GRIP2: variants seen among roughly 807,000 people sequenced by gnomAD.
GRIP2 encodes glutamate receptor interacting protein 2.
In GRIP2, 58 loss-of-function variants were observed where a neutral mutation model predicts 108.3. That is an observed-to-expected ratio of 0.54 (90% CI 0.43 to 0.67). The LOEUF is 0.67. Ranked by LOEUF, GRIP2 falls within the 30% of genes least tolerant of loss-of-function variation. The pLI is 0.00. For synonymous variants in GRIP2, 586 were observed against 598.2 expected (o/e 0.98, Z 0.30); for missense variants, 1,278 against 1,430.6 (o/e 0.89, Z 1.72).
At chr3:14,497,702 T>C (rs921476888) in intron 21 of GRIP2, among the ~76,000 whole-genome samples, 1 of 152,148 alleles carries the variant, frequency 6.6e-6, no homozygotes, top group African/African-American at 2.4e-5. Context: ...ACATGAAGAC[T>C]GGGCTGCAGG....
At chr3:14,578,468 G>A in the GRIP2 span, among the ~76,000 whole-genome samples, 2 of 152,202 alleles carry the variant, frequency 1.3e-5, no homozygotes, top group African/African-American at 4.8e-5. Flanking sequence ...TGTAATCCTA[G>A]CATGTTGGGA....
At chr3:14,589,478 A>AT in the GRIP2 span, among the ~76,000 whole-genome samples, 14 of 152,066 alleles carry the variant, frequency 9.2e-5, no homozygotes, top group African/African-American at 2.9e-4. Context: ...GTGTTTTGAG[A>AT]TTTTTTTTAC....
At chr3:14,593,403 C>T in the GRIP2 span, among the ~76,000 whole-genome samples, 15 of 152,322 alleles carry the variant, frequency 9.8e-5, no homozygotes, top group East Asian at 2.3e-3. Context: ...CTCCCGCTTC[C>T]GGCAACGCAA....
chr3:14,528,488 C>T (rs553719714), intron 1 of GRIP2, among the ~76,000 whole-genome samples: 3 of 152,282 alleles, frequency 2.0e-5, no homozygotes, highest in South Asian at 2.1e-4. Context: ...ATTTTGCACC[C>T]GACCAACAAT....
At chr3:14,531,760 G>A (rs1216735448) in intron 1 of GRIP2, among the ~76,000 whole-genome samples, 1 of 152,190 alleles carries the variant, frequency 6.6e-6, no homozygotes, top group African/African-American at 2.4e-5. Context: ...GCCTTTTAGC[G>A]TTTTCTACCC....
At chr3:14,538,232 G>A (rs1217862157) in intron 1 of GRIP2, among the ~76,000 whole-genome samples, 2 of 152,208 alleles carry the variant, frequency 1.3e-5, no homozygotes, top group Non-Finnish European at 2.9e-5. Flanking sequence ...GCCAAATGTG[G>A]AGGTATATGG....
the GRIP2 span, among the ~76,000 whole-genome samples, chr3:14,575,392 G>T: frequency 6.6e-6 from 1 of 152,164 alleles, no homozygotes; most frequent in African/African-American, 2.4e-5. Flanking sequence ...CTGAGCACAC[G>T]TGGGGTGAGG....
At chr3:14,538,726 A>G (rs1694892210) in intron 1 of GRIP2, among the ~76,000 whole-genome samples, 1 of 151,934 alleles carries the variant, frequency 6.6e-6, no homozygotes, top group Non-Finnish European at 1.5e-5. Flanking sequence ...AATGTCAGAG[A>G]GGTCAGGAAG....
At chr3:14,545,342 T>A (rs1695041255), upstream of GRIP2, among the ~76,000 whole-genome samples, 3 of 152,226 alleles carry the variant, frequency 2.0e-5, no homozygotes, top group South Asian at 2.1e-4. Flanking sequence ...AACCCAGGCC[T>A]GCCTGACAGC....
intron 9 of GRIP2, 106 bp from the exon 10 acceptor site, chr3:14,518,003 C>G (rs1575009523): frequency 1.4e-5 from 19 of 1,312,982 alleles, no homozygotes; most frequent in Non-Finnish European, 1.9e-5. Flanking sequence ...TTCCCCTGAG[C>G]CAGGCAAGGC....
At chr3:14,570,384 G>A in the GRIP2 span, among the ~76,000 whole-genome samples, 1 of 152,174 alleles carries the variant, frequency 6.6e-6, no homozygotes, top group East Asian at 1.9e-4. Flanking sequence ...GGGCCAGGAG[G>A]GGAGCTGCCC....
chr3:14,503,129 C>T (rs1321030856), intron 21 of GRIP2, among the ~76,000 whole-genome samples: 3 of 152,284 alleles, frequency 2.0e-5, no homozygotes, highest in Admixed American at 6.5e-5. Context: ...TCAACACTCA[C>T]GCTTCTACAG....
chr3:14,515,043 T>A (rs1201506433), intron 11 of GRIP2, among the ~76,000 whole-genome samples: 3 of 152,236 alleles, frequency 2.0e-5, no homozygotes, highest in Non-Finnish European at 2.9e-5. Context: ...TCTACTTTCA[T>A]CTCTGCATTT....
At chr3:14,588,654 T>C in the GRIP2 span, among the ~76,000 whole-genome samples, 3 of 152,132 alleles carry the variant, frequency 2.0e-5, no homozygotes, top group Admixed American at 2.0e-4. Flanking sequence ...GAGGCTCAGT[T>C]CCGTCAGCAC....
Position 14,493,620 on chromosome 3 carries a change from G to T in GRIP2, c.*45C>A. ...GCCCAGCTACGTGTCTGGGAGCCAGGATCTGCCTGGGTGGCCCCTTAGGAG... is the reference window on the plus strand; with the variant it reads ...GCCCAGCTACGTGTCTGGGAGCCAGTATCTGCCTGGGTGGCCCCTTAGGAG... On this transcript the variant is annotated 3_prime_UTR_variant, in exon 24 of 24. Transcript: ENST00000621039. The T allele has an allele frequency of 6.6e-7, 1 of 1,517,680 alleles. No homozygotes were observed. The highest frequency in any genetic ancestry group is 2.4e-5 in the East Asian group (1 of 41,224). 94.0% of individuals were successfully genotyped at this position (1,517,680 alleles called of 1,614,324 possible).
At chr3:14,514,238 C>A in intron 12 of GRIP2, 54 bp downstream of exon 12, 1 of 1,403,670 alleles carries the variant, frequency 7.1e-7, no homozygotes, top group Admixed American at 2.5e-5. Flanking sequence ...GGTGCTGTGA[C>A]TCAGTTTCTC....
chr3:14,495,696 C>T (rs1038372696), intron 22 of GRIP2, among the ~76,000 whole-genome samples: 86 of 152,164 alleles, frequency 5.7e-4, no homozygotes, highest in African/African-American at 2.0e-3. Flanking sequence ...TGAGCCACCG[C>T]GACCAGCTCG....
At chr3:14,563,596 G>C in the GRIP2 span, among the ~76,000 whole-genome samples, 10 of 152,090 alleles carry the variant, frequency 6.6e-5, no homozygotes, top group African/African-American at 2.2e-4. Flanking sequence ...TTTGCCTGGG[G>C]CTTTAACACC....
chr3:14,600,710 C>T, the GRIP2 span, among the ~76,000 whole-genome samples: 2 of 152,304 alleles, frequency 1.3e-5, no homozygotes, highest in South Asian at 2.1e-4. Flanking sequence ...ACCCAGCCCA[C>T]GGGGACTAAT....
Sources: gnomAD v4.1 joint callset for allele counts (sites outside exome capture counted in the v4.1 genomes callset) on GRCh38, gnomAD v4.1.1 for gene constraint, MANE v1.5 for transcripts, NCBI Gene and HGNC (gene_info 2026-07-23, HGNC 2026-07-21) for gene names.